DDHD1: variants seen among roughly 807,000 people sequenced by gnomAD.
DDHD1 encodes DDHD domain containing 1, also known as phospholipase DDHD1.
A neutral mutation model predicts 96.4 loss-of-function variants in DDHD1; 49 were observed. The observed-to-expected ratio is 0.51, with a 90% CI of 0.40 to 0.64. The LOEUF (loss-of-function observed/expected upper bound fraction) is 0.64. DDHD1 is among the 30% of genes least tolerant of loss of function. The pLI, the probability that DDHD1 is intolerant of heterozygous loss-of-function variation, is 0.00. For synonymous variants in DDHD1, 442 were observed against 446.5 expected, an observed-to-expected ratio of 0.99 and a Z score of 0.13; for missense variants, 1,106 against 1,161.2, an observed-to-expected ratio of 0.95 and a Z score of 0.69.
At chr14:53,083,931 T>C (rs1419516769) in intron 4 of DDHD1, among the ~76,000 whole-genome samples, 1 of 152,204 alleles carries the variant, frequency 6.6e-6, no homozygotes, top group Non-Finnish European at 1.5e-5. Flanking sequence ...TTGAGCCACC[T>C]TGGATTCATT....
At chr14:53,053,876 T>C (rs745521830) in intron 11 of DDHD1, 12 of 152,172 alleles carry the variant, frequency 7.9e-5, no homozygotes, top group Non-Finnish European at 1.5e-4. Context: ...CGGAGAAAGC[T>C]TAAAGATCCA....
Position 53,152,623 on chromosome 14 carries a change from A to C in DDHD1, c.476T>G (p.Val159Gly). 1 of 1,613,080 alleles carries C rather than the reference A, an allele frequency of 6.2e-7. No individual in the cohort carries two copies. Among genetic ancestry groups the C allele is most frequent in the Non-Finnish European group, 8.5e-7 (1 of 1,179,808 alleles). The change falls in exon 1 of 13, where the codon GTA (valine) becomes GGA (glycine). Residue 159 changes from valine to glycine, a missense_variant. This residue lies in a region of DDHD1 where 456 missense variants were observed against 402.4 expected (regional missense o/e 1.13). Transcript: ENST00000673822. Reference sequence around the variant, plus strand: ...CTCCTCCGGGCCCAGCTCCGTCACTACCTCATAGCGGTGCCGGGCCGCCGG... The same window carrying C: ...CTCCTCCGGGCCCAGCTCCGTCACTCCCTCATAGCGGTGCCGGGCCGCCGG... ...GGPAARHRYE[V>G]VTELGPEEVR...
intron 5 of DDHD1, 63 bp downstream of exon 5, chr14:53,073,678 T>C (rs929412215): frequency 7.1e-7 from 1 of 1,406,824 alleles, no homozygotes; most frequent in Non-Finnish European, 9.8e-7. Context: ...TCTAAAACTT[T>C]CTGCATTTAT....
At chr14:53,152,118 C>T in intron 1 of DDHD1, 143 bp downstream of exon 1, 21 of 827,334 alleles carry the variant, frequency 2.5e-5, no homozygotes, top group South Asian at 1.8e-4. Flanking sequence ...CCGACGCTCC[C>T]TGCTCAATCT....
chr14:53,151,877 C>G (rs909829160), intron 1 of DDHD1, among the ~76,000 whole-genome samples: 1 of 152,196 alleles, frequency 6.6e-6, no homozygotes, highest in Non-Finnish European at 1.5e-5. Context: ...AGACGTGCCG[C>G]TATTTAAATC....
At chr14:53,119,652 T>G (rs932978107) in intron 1 of DDHD1, among the ~76,000 whole-genome samples, 4 of 152,136 alleles carry the variant, frequency 2.6e-5, no homozygotes, top group Non-Finnish European at 5.9e-5. Flanking sequence ...GTTCAACACA[T>G]GCAAATCAAT....
intron 6 of DDHD1, among the ~76,000 whole-genome samples, chr14:53,066,664 TC>T (rs1884045276): frequency 6.6e-6 from 1 of 152,134 alleles, no homozygotes. Context: ...AATCAACTTT[TC>T]TTTTTTAAAA....
intron 11 of DDHD1, chr14:53,053,254 A>G (rs1882762405): frequency 6.6e-6 from 1 of 152,100 alleles, no homozygotes; most frequent in African/African-American, 2.4e-5. Flanking sequence ...TATTTTCACA[A>G]TCACATTTTT....
In DDHD1 at chr14:53,058,637, A is replaced by G. The variant is rs751585681; in HGVS notation, c.1843-11T>C. 4 of 1,581,708 alleles carry G rather than the reference A, an allele frequency of 2.5e-6. No homozygotes were observed. Among genetic ancestry groups the G allele is most frequent in the East Asian group, 2.3e-5 (1 of 44,292 alleles). ...GAAGAAATTCTCAACCTAAAATGAT[A>G]AAGTCATCTTAAAGTTTAAAAATGG... is the stretch of plus-strand genomic sequence containing the variant. On this transcript the variant is annotated splice_polypyrimidine_tract_variant and intron_variant, in intron 8 of 12. Transcript: ENST00000673822.
intron 2 of DDHD1, among the ~76,000 whole-genome samples, chr14:53,096,928 T>C (rs368647462): frequency 2.0e-5 from 3 of 151,940 alleles, no homozygotes; most frequent in Non-Finnish European, 2.9e-5. Context: ...ACAGACAACA[T>C]AGAGTAAAGC....
intron 6 of DDHD1, among the ~76,000 whole-genome samples, chr14:53,065,105 A>G (rs1489816801): frequency 4.6e-5 from 7 of 152,196 alleles, no homozygotes; most frequent in African/African-American, 1.7e-4. Context: ...CCTCTTACAC[A>G]GTAAGCACTG....
Position 53,068,236 on chromosome 14 carries a change from T to C in DDHD1, c.1503+4361A>G, listed in dbSNP as rs962458868. On this transcript the variant is annotated intron_variant, in intron 6 of 12. Coordinates refer to ENST00000673822, the MANE Select transcript of DDHD1 (RefSeq NM_001160148.2). Reference sequence around the variant, plus strand: ...ACATTTTCCGCAGCCACTCGGCCTTTATGATACTTTTTTTTTTTTTTTTTT... The same window carrying C: ...ACATTTTCCGCAGCCACTCGGCCTTCATGATACTTTTTTTTTTTTTTTTTT... 6.8e-5 allele frequency among the ~76,000 whole-genome samples: 9 copies of C among 133,244 alleles called. No individual in the cohort carries two copies. The Admixed American group carries it at 7.9e-4, about 12-fold the overall frequency. 87.4% of individuals were successfully genotyped at this position (133,244 alleles called of 152,430 possible). A position where few individuals can be genotyped will look rare whatever the true frequency, so the allele number is the denominator to read the frequency against.
In DDHD1 at chr14:53,054,495, T is replaced by C; in HGVS notation, c.2380A>G (p.Thr794Ala). The C allele has an allele frequency of 6.2e-7, 1 of 1,614,158 alleles. No homozygotes were observed. The highest frequency in any genetic ancestry group is 8.5e-7 in the Non-Finnish European group (1 of 1,179,996). ...EKKPVASPSA[T>A]TVGTQTLPHS... is the part of the protein sequence containing the mutation. The stretch of plus-strand genomic sequence containing the variant: ...GGAAGGGTCTGTGTCCCTACGGTGG[T>C]AGCAGAAGGTGAGGCAACTGGCTTC... Residue 794 changes from threonine to alanine, a missense_variant, in exon 11 of 13, where the codon ACC (threonine) becomes GCC (alanine). Thr to Ala is a moderately conservative substitution (Grantham distance 58). Transcript: ENST00000673822.
chr14:53,141,910 A>T (rs181315507), intron 1 of DDHD1, among the ~76,000 whole-genome samples: 29 of 152,188 alleles, frequency 1.9e-4, no homozygotes, highest in Admixed American at 3.3e-4. Flanking sequence ...AACCCCAAAT[A>T]CAACAGGTTT....
At chr14:53,108,885 C>T (rs1887897781) in intron 1 of DDHD1, among the ~76,000 whole-genome samples, 2 of 152,188 alleles carry the variant, frequency 1.3e-5, no homozygotes, top group East Asian at 1.9e-4. Flanking sequence ...CTGAGATGCC[C>T]TTTCCCTTTG....
chr14:53,130,367 A>G (rs1482836340), intron 1 of DDHD1, among the ~76,000 whole-genome samples: 1 of 152,184 alleles, frequency 6.6e-6, no homozygotes, highest in African/African-American at 2.4e-5. Flanking sequence ...TCAAATATGA[A>G]AACCCAGCCC....
chr14:53,065,355 A>T (rs1566531226), intron 6 of DDHD1, among the ~76,000 whole-genome samples: 2 of 152,214 alleles, frequency 1.3e-5, no homozygotes, highest in Non-Finnish European at 2.9e-5. Flanking sequence ...AATAATTCAA[A>T]TAATGTCAAG....
intron 2 of DDHD1, among the ~76,000 whole-genome samples, chr14:53,100,490 A>G (rs1365489379): frequency 1.3e-5 from 2 of 152,068 alleles, no homozygotes; most frequent in Non-Finnish European, 2.9e-5. Flanking sequence ...TAAAATATAT[A>G]AGAGTATGCT....
chr14:53,093,132 T>A, intron 3 of DDHD1, 184 bp downstream of exon 3: 1 of 420,636 alleles, frequency 2.4e-6, no homozygotes, highest in Non-Finnish European at 3.9e-6. Flanking sequence ...ATATAATAAT[T>A]ATTCCTTGAT....
Sources: allele counts gnomAD v4.1 joint callset (sites outside exome capture counted in the v4.1 genomes callset), GRCh38; gene constraint gnomAD v4.1.1; regional missense constraint gnomAD v4.1.1; transcripts MANE v1.5; gene names NCBI Gene and HGNC (gene_info 2026-07-23, HGNC 2026-07-21).